VPS13B: variants seen among roughly 807,000 people sequenced by gnomAD.
VPS13B encodes vacuolar protein sorting 13 homolog B.
A neutral mutation model predicts 426.4 loss-of-function variants in VPS13B; 285 were observed. The ratio of observed to expected loss-of-function variants is 0.67; its 90% confidence interval spans 0.61 to 0.74. The LOEUF is 0.74. Ranked by LOEUF, VPS13B falls within the 30% of genes least tolerant of loss-of-function variation. The pLI is 0.00. For missense variants in VPS13B, 4,537 were observed against 4,782.6 expected, an observed-to-expected ratio of 0.95 and a Z score of 1.51; for synonymous variants, 1,676 against 1,676.4, an observed-to-expected ratio of 1.00 and a Z score of 0.01.
intron 2 of VPS13B, among the ~76,000 whole-genome samples, chr8:99,024,300 G>A (rs1842037093): frequency 3.9e-5 from 6 of 152,212 alleles, no homozygotes; most frequent in African/African-American, 1.4e-4. Flanking sequence ...GCGCACATGT[G>A]TGCTATTGAG....
intron 43 of VPS13B, among the ~76,000 whole-genome samples, chr8:99,788,871 G>C (rs965093094): frequency 6.6e-6 from 1 of 152,114 alleles, no homozygotes; most frequent in African/African-American, 2.4e-5. Flanking sequence ...AAATTCAGTA[G>C]ACTAAAGGTT....
chr8:99,181,182 A>G (rs1812928575), intron 16 of VPS13B, among the ~76,000 whole-genome samples: 1 of 152,262 alleles, frequency 6.6e-6, no homozygotes, highest in African/African-American at 2.4e-5. Context: ...CATACCAGTT[A>G]GCAATATGTA....
At chr8:99,107,612 G>T (rs1429788301) in intron 5 of VPS13B, among the ~76,000 whole-genome samples, 1 of 151,938 alleles carries the variant, frequency 6.6e-6, no homozygotes, top group East Asian at 1.9e-4. Context: ...CTCCCATGTG[G>T]TTGACATTCA....
intron 39 of VPS13B, among the ~76,000 whole-genome samples, chr8:99,747,501 C>A (rs1344765975): frequency 6.6e-6 from 1 of 151,948 alleles, no homozygotes; most frequent in Non-Finnish European, 1.5e-5. Context: ...TTTAGAGAAT[C>A]TATAATCTTA....
chr8:99,702,721 G>A (rs148121976), intron 36 of VPS13B, among the ~76,000 whole-genome samples: 128 of 152,164 alleles, frequency 8.4e-4, no homozygotes, highest in African/African-American at 3.0e-3. Context: ...AACTACAAAG[G>A]AACAATTATA....
At chr8:99,496,545 G>C (rs1005428316) in intron 25 of VPS13B, among the ~76,000 whole-genome samples, 3 of 152,062 alleles carry the variant, frequency 2.0e-5, no homozygotes, top group Non-Finnish European at 2.9e-5. Flanking sequence ...CAGCTACTTC[G>C]GAGGCTGAGG....
chr8:99,161,709 C>T, intron 15 of VPS13B, among the ~76,000 whole-genome samples: 1 of 150,016 alleles, frequency 6.7e-6, no homozygotes, highest in South Asian at 2.1e-4. Context: ...AAAACCATTC[C>T]CTGGTGTTAA....
At chr8:99,499,875 A>C (rs1413270820) in intron 25 of VPS13B, among the ~76,000 whole-genome samples, 2 of 152,194 alleles carry the variant, frequency 1.3e-5, no homozygotes, top group South Asian at 2.1e-4. Context: ...TGCAGTAAAC[A>C]CTTGCCTGTC....
chr8:99,455,265 C>T (rs1408756606), intron 23 of VPS13B, among the ~76,000 whole-genome samples: 6 of 152,020 alleles, frequency 3.9e-5, no homozygotes, highest in African/African-American at 1.4e-4. Flanking sequence ...TTAGTTTGTT[C>T]TTGCATTGCT....
chr8:99,547,228 C>T (rs1476465366), intron 30 of VPS13B, among the ~76,000 whole-genome samples: 1 of 151,998 alleles, frequency 6.6e-6, no homozygotes, highest in Non-Finnish European at 1.5e-5. Context: ...GAACAAACTC[C>T]CTGGGTGATT....
chr8:99,053,510 A>G (rs557727688), intron 3 of VPS13B, among the ~76,000 whole-genome samples: 3 of 152,210 alleles, frequency 2.0e-5, no homozygotes, highest in Admixed American at 6.5e-5. Flanking sequence ...CTATGCAGCC[A>G]TCATTCTATT....
At chr8:99,649,961 C>T (rs1307863842) in intron 34 of VPS13B, among the ~76,000 whole-genome samples, 1 of 152,134 alleles carries the variant, frequency 6.6e-6, no homozygotes, top group African/African-American at 2.4e-5. Flanking sequence ...GTCTGATTTA[C>T]TTTTCAGAAT....
chr8:99,295,725 A>T (rs1375380805), intron 19 of VPS13B, among the ~76,000 whole-genome samples: 1 of 152,192 alleles, frequency 6.6e-6, no homozygotes, highest in Admixed American at 6.6e-5. Flanking sequence ...GGAAAAGATC[A>T]AAATCAAAAT....
intron 17 of VPS13B, among the ~76,000 whole-genome samples, chr8:99,242,276 G>A (rs955109772): frequency 4.6e-5 from 7 of 152,150 alleles, no homozygotes; most frequent in Middle Eastern, 3.4e-3. Flanking sequence ...GAGCCACCGC[G>A]CCAGGCCCAT....
At chr8:99,297,029 A>G (rs1405935155) in intron 19 of VPS13B, among the ~76,000 whole-genome samples, 2 of 151,992 alleles carry the variant, frequency 1.3e-5, no homozygotes, top group Non-Finnish European at 2.9e-5. Context: ...TATGAGGGGG[A>G]GGGATTTTTT....
intron 20 of VPS13B, among the ~76,000 whole-genome samples, chr8:99,386,937 C>A (rs1453627290): frequency 6.6e-6 from 1 of 152,038 alleles, no homozygotes; most frequent in Non-Finnish European, 1.5e-5. Flanking sequence ...CCACTGTACT[C>A]CAGCCTGGGC....
chr8:99,319,459 T>A (rs1254566113), intron 19 of VPS13B, among the ~76,000 whole-genome samples: 1 of 152,238 alleles, frequency 6.6e-6, no homozygotes, highest in Non-Finnish European at 1.5e-5. Context: ...AGTAATTATC[T>A]ACAGGTTTTT....
In VPS13B at chr8:99,820,110, T is replaced by C; in HGVS notation, c.8982T>C (p.Pro2994=). 2 of 1,613,814 alleles carry C rather than the reference T, an allele frequency of 1.2e-6. No homozygotes were observed. The highest frequency in any genetic ancestry group is 1.7e-6 in the Non-Finnish European group (2 of 1,179,770). ...LQVPAGKIII[P]PNFQEAFQIG... ...TTCCTGCTGGCAAAATTATTATTCC[T>C]CCTAATTTTCAGGTACTATAACTTT... Residue 2994 remains proline (P), a synonymous_variant, in exon 49 of 62, where the codon CCT becomes CCC. Coordinates refer to ENST00000357162, the MANE Select transcript of VPS13B (RefSeq NM_152564.5).
chr8:99,151,947 G>A (rs916198397), intron 14 of VPS13B, among the ~76,000 whole-genome samples: 7 of 152,036 alleles, frequency 4.6e-5, no homozygotes, highest in African/African-American at 1.7e-4. Flanking sequence ...TTCTTAGCCT[G>A]GCTAGAGAGG....
Sources: allele counts gnomAD v4.1 joint callset (sites outside exome capture counted in the v4.1 genomes callset), GRCh38; gene constraint gnomAD v4.1.1; transcripts MANE v1.5; gene names NCBI Gene and HGNC (gene_info 2026-07-23, HGNC 2026-07-21).